The following TTC39C variants were observed in gnomAD, a reference collection of about 807,000 sequenced individuals.
TTC39C encodes tetratricopeptide repeat domain 39C.
Under a neutral mutation model 76.3 loss-of-function variants are expected in TTC39C, and 33 were observed. The observed-to-expected ratio is 0.43, with a 90% CI of 0.33 to 0.58. The LOEUF (loss-of-function observed/expected upper bound fraction) is 0.58, where lower values mean the gene tolerates loss of function less well. TTC39C is among the 20% of genes least tolerant of loss of function. TTC39C has a pLI of 0.04. For missense variants in TTC39C, 595 were observed against 701.4 expected, an observed-to-expected ratio of 0.85 and a Z score of 1.71; for synonymous variants, 254 against 260.6, an observed-to-expected ratio of 0.97 and a Z score of 0.24.
intron 4 of TTC39C, among the ~76,000 whole-genome samples, chr18:24,074,632 G>A (rs1356941574): frequency 6.6e-5 from 10 of 152,130 alleles, no homozygotes; most frequent in African/African-American, 1.7e-4. Context: ...AATGGTGATC[G>A]TTAAAAAGTC....
intron 1 of TTC39C, among the ~76,000 whole-genome samples, chr18:24,052,031 G>A (rs1016119611): frequency 1.3e-5 from 2 of 152,168 alleles, no homozygotes; most frequent in African/African-American, 4.8e-5. Context: ...AGTAATAAAT[G>A]CTCTGCAGAG....
rs1251191504 is a variant in TTC39C at position 24,118,930 on chromosome 18, A to G, written c.1186+698A>G. On this transcript the variant is annotated intron_variant, in intron 8 of 13. Transcript: ENST00000317571. Reference sequence around the variant, plus strand: ...CTCAGCCTCCCAAAGCACTGGGATTATAGGCATGAGCCTCAGAGCCTGATC... The same window carrying G: ...CTCAGCCTCCCAAAGCACTGGGATTGTAGGCATGAGCCTCAGAGCCTGATC... Among the ~76,000 whole-genome samples, 14 of 152,174 alleles carry G rather than the reference A, an allele frequency of 9.2e-5. 1 individual carries two copies. Among genetic ancestry groups the G allele is most frequent in the Admixed American group, 9.2e-4 (14 of 15,278 alleles).
intron 1 of TTC39C, among the ~76,000 whole-genome samples, chr18:23,997,090 CAG>C (rs1446753571): frequency 3.9e-5 from 6 of 151,978 alleles, no homozygotes; most frequent in Admixed American, 3.3e-4. Flanking sequence ...GCCTGGATGA[CAG>C]AGTGAGACTC....
intron 1 of TTC39C, among the ~76,000 whole-genome samples, chr18:24,025,929 G>A (rs753619554): frequency 2.6e-5 from 4 of 152,198 alleles, no homozygotes; most frequent in African/African-American, 7.2e-5. Flanking sequence ...CGTTGGTGAC[G>A]GCAGGCAGCA....
intron 1 of TTC39C, among the ~76,000 whole-genome samples, chr18:24,049,188 C>T (rs909097439): frequency 6.6e-6 from 1 of 152,226 alleles, no homozygotes; most frequent in Non-Finnish European, 1.5e-5. Context: ...GTTCCAGAGA[C>T]TACTCAAATA....
At chr18:24,113,140 C>T (rs1026119326) in intron 6 of TTC39C, among the ~76,000 whole-genome samples, 1 of 152,200 alleles carries the variant, frequency 6.6e-6, no homozygotes, top group African/African-American at 2.4e-5. Context: ...ACCTGGTCAG[C>T]ATTCATAAAC....
chr18:24,018,184 C>A (rs1395267956), intron 1 of TTC39C, among the ~76,000 whole-genome samples: 1 of 152,178 alleles, frequency 6.6e-6, no homozygotes, highest in Non-Finnish European at 1.5e-5. Flanking sequence ...ACAAACTGCC[C>A]TTTGGTGGTG....
chr18:24,052,851 G>A (rs1478800963), intron 1 of TTC39C, among the ~76,000 whole-genome samples: 1 of 152,198 alleles, frequency 6.6e-6, no homozygotes, highest in Non-Finnish European at 1.5e-5. Flanking sequence ...CATGGAATTG[G>A]ACCTGGGTGA....
chr18:24,114,723 G>T, intron 7 of TTC39C, 76 bp downstream of exon 7: 1 of 1,154,322 alleles, frequency 8.7e-7, no homozygotes, highest in Non-Finnish European at 1.3e-6. Context: ...ATGCCATTCA[G>T]TGTGTGTCTA....
chr18:24,019,788 T>C, intron 1 of TTC39C: 1 of 1,260,310 alleles, frequency 7.9e-7, no homozygotes, highest in Non-Finnish European at 1.1e-6. Flanking sequence ...GCACTACACC[T>C]GCAGAAATGA....
chr18:24,029,114 T>G lies in TTC39C; in HGVS notation c.167+14076T>G, dbSNP rs1370313979. Among the ~76,000 whole-genome samples, 5 of 12,270 alleles carry G rather than the reference T, an allele frequency of 4.1e-4. No individual in the cohort carries two copies. The South Asian group carries it at 9.8e-3, about 24-fold the overall frequency. The allele number at this position is 12,270 out of a possible 152,430, so 8.0% of individuals were successfully genotyped here. A position where few individuals can be genotyped will look rare whatever the true frequency, so the allele number is the denominator to read the frequency against. On this transcript the variant is annotated intron_variant, in intron 1 of 13. Transcript: ENST00000317571. The stretch of plus-strand genomic sequence containing the variant: ...TGGTGTTGTTGTTGTTGTTGTTGTT[T>G]TTGTGTGAGACGGAGTCTTGCTCTG...
At chr18:24,019,129 C>A (rs2083490294) in intron 1 of TTC39C, among the ~76,000 whole-genome samples, 1 of 152,096 alleles carries the variant, frequency 6.6e-6, no homozygotes, top group African/African-American at 2.4e-5. Flanking sequence ...CACATGGAGG[C>A]CTGAGGAGCG....
At chr18:24,015,679 GTTAT>G (rs1053898062) in intron 1 of TTC39C, among the ~76,000 whole-genome samples, 1 of 152,182 alleles carries the variant, frequency 6.6e-6, no homozygotes, top group Non-Finnish European at 1.5e-5. Context: ...TCAAGCAGGC[GTTAT>G]TTATTAAGAA....
chr18:24,050,095 G>C (rs1296335442), intron 1 of TTC39C, among the ~76,000 whole-genome samples: 1 of 152,174 alleles, frequency 6.6e-6, no homozygotes, highest in East Asian at 1.9e-4. Flanking sequence ...GGGGCTCTGA[G>C]AGGGTTGTGG....
At chr18:24,055,928 CT>C (rs1488154780) in intron 1 of TTC39C, among the ~76,000 whole-genome samples, 1 of 152,128 alleles carries the variant, frequency 6.6e-6, no homozygotes, top group Non-Finnish European at 1.5e-5. Flanking sequence ...CATTGTTTTA[CT>C]TTTCTTTCGG....
intron 1 of TTC39C, among the ~76,000 whole-genome samples, chr18:24,043,522 C>T (rs2083823628): frequency 6.6e-6 from 1 of 151,186 alleles, no homozygotes; most frequent in Non-Finnish European, 1.5e-5. Flanking sequence ...TGGTCATGAA[C>T]CAGGTTGGAG....
At chr18:24,116,207 A>G (rs745314946) in intron 7 of TTC39C, among the ~76,000 whole-genome samples, 1 of 152,092 alleles carries the variant, frequency 6.6e-6, no homozygotes, top group Non-Finnish European at 1.5e-5. Flanking sequence ...TCTATTTTGT[A>G]TTTAATTCCA....
intron 1 of TTC39C, among the ~76,000 whole-genome samples, chr18:24,024,976 C>G (rs923371134): frequency 1.3e-5 from 2 of 152,150 alleles, no homozygotes; most frequent in African/African-American, 4.8e-5. Context: ...TCAGGCGATT[C>G]TCGTGCCTCA....
At chr18:24,044,486 C>T (rs749851957) in intron 1 of TTC39C, among the ~76,000 whole-genome samples, 13 of 152,158 alleles carry the variant, frequency 8.5e-5, no homozygotes, top group Non-Finnish European at 1.5e-4. Flanking sequence ...ACCGCTTTTG[C>T]GGCAGTTTAG....
Sources: gnomAD v4.1 joint callset for allele counts (sites outside exome capture counted in the v4.1 genomes callset) on GRCh38, gnomAD v4.1.1 for gene constraint, MANE v1.5 for transcripts, NCBI Gene and HGNC (gene_info 2026-07-23, HGNC 2026-07-21) for gene names.